The following MACF1 variants were observed in gnomAD, a reference collection of about 807,000 sequenced individuals.
MACF1 encodes microtubule actin crosslinking factor 1.
MACF1 carries 193 observed loss-of-function variants against 854.8 expected under a neutral mutation model. The ratio of observed to expected loss-of-function variants is 0.23; its 90% confidence interval spans 0.20 to 0.25. The LOEUF is 0.25. MACF1 is among the 10% of genes least tolerant of loss of function. The pLI is 1.00. For synonymous variants in MACF1, 3,185 were observed against 3,226.7 expected, an observed-to-expected ratio of 0.99 and a Z score of 0.44; for missense variants, 7,722 against 8,929.1, an observed-to-expected ratio of 0.86 and a Z score of 5.45.
intron 2 of MACF1, among the ~76,000 whole-genome samples, chr1:39,160,126 G>A (rs929757567): frequency 6.6e-6 from 1 of 152,076 alleles, no homozygotes; most frequent in Non-Finnish European, 1.5e-5. Context: ...ACCAGCCTGG[G>A]CAACATAATG....
rs969955405 is a variant in MACF1 at position 39,268,971 on chromosome 1, G to A, written c.528+10943G>A. On this transcript the variant is annotated intron_variant, in intron 6 of 100. Transcript: ENST00000564288. ...CCCCCCAGATATTTTGCTGCCTGGG[G>A]ACTCAGCCCCCAACTCACGGGTAGT... 17 of 1,286,810 alleles carry A rather than the reference G, an allele frequency of 1.3e-5. No individual in the cohort carries two copies. The South Asian group carries it at 2.0e-4, about 15-fold the overall frequency. 79.7% of individuals were successfully genotyped at this position (1,286,810 alleles called of 1,614,324 possible).
chr1:39,117,560 G>A (rs1203329100), intron 2 of MACF1, among the ~76,000 whole-genome samples: 3 of 151,780 alleles, frequency 2.0e-5, no homozygotes. Context: ...GTGTGTGTGT[G>A]TGTGTGTACT....
Position 39,131,340 on chromosome 1 carries a change from A to T in MACF1, c.220+46902A>T, listed in dbSNP as rs1435957326. Among the ~76,000 whole-genome samples, 150 of 128,962 alleles carry T rather than the reference A, an allele frequency of 1.2e-3. 1 individual carries two copies. The highest frequency in any genetic ancestry group is 2.2e-3 in the South Asian group (9 of 4,002). The allele number at this position is 128,962 out of a possible 152,430, so 84.6% of individuals were successfully genotyped here. A position where few individuals can be genotyped will look rare whatever the true frequency, so the allele number is the denominator to read the frequency against. On this transcript the variant is annotated intron_variant, in intron 2 of 93. Transcript: ENST00000361689. ...CCATCATGCCCAGCTCAGTTTTATTATTTTTTTTTTTTTTGTAGAGACAGG... is the reference window on the plus strand; with the variant it reads ...CCATCATGCCCAGCTCAGTTTTATTTTTTTTTTTTTTTTTGTAGAGACAGG...
chr1:39,461,366 G>A (rs1644548773), intron 92 of MACF1, among the ~76,000 whole-genome samples: 1 of 152,128 alleles, frequency 6.6e-6, no homozygotes, highest in Admixed American at 6.5e-5. Flanking sequence ...GTAATATTAT[G>A]TTTATGCCTT....
At chr1:39,300,802 T>C (rs1268459849) in intron 22 of MACF1, among the ~76,000 whole-genome samples, 2 of 152,170 alleles carry the variant, frequency 1.3e-5, no homozygotes, top group Non-Finnish European at 2.9e-5. Context: ...CCCAGCACTT[T>C]AGGAGGCTGA....
intron 1 of MACF1, among the ~76,000 whole-genome samples, chr1:39,222,684 ATGT>A (rs1007758040): frequency 6.6e-5 from 10 of 152,120 alleles, no homozygotes; most frequent in East Asian, 1.9e-4. Context: ...AATTATTTAC[ATGT>A]TGTTCTCCAC....
chr1:39,411,258 G>T lies in MACF1; in HGVS notation c.15817-11116G>T, dbSNP rs774633393. ...AGGATGAGCGATGGATTATGATGGA[G>T]GCTGAGGGAGAGTGGGAGGAAGAGA... On this transcript the variant is annotated intron_variant, in intron 58 of 100. Coordinates refer to ENST00000564288, the MANE Select transcript of MACF1 (RefSeq NM_001394062.1). The T allele has an allele frequency of 9.3e-6, 15 of 1,613,958 alleles. No individual in the cohort carries two copies. In the South Asian group the frequency reaches 9.9e-5, roughly 11 times the overall value.
At chr1:39,122,324 G>A (rs1169807913) in intron 2 of MACF1, among the ~76,000 whole-genome samples, 4 of 150,006 alleles carry the variant, frequency 2.7e-5, no homozygotes, top group South Asian at 2.1e-4. Flanking sequence ...GCGCGATGTC[G>A]GCTCACTACA....
rs367990338 is a variant in MACF1, at chr1:39,302,977, C to T, written c.2688C>T (p.Thr896=). The T allele has an allele frequency of 1.2e-6, 2 of 1,613,968 alleles. No individual in the cohort carries two copies. Among genetic ancestry groups the T allele is most frequent in the African/African-American group, 2.7e-5 (2 of 74,888 alleles). The change falls in exon 23 of 101, where the codon ACC becomes ACT. Residue 896 remains threonine (T), a synonymous_variant. Coordinates refer to ENST00000564288, the MANE Select transcript of MACF1 (RefSeq NM_001394062.1). ...TGCTAGAAGATAATTCTCAGCGGAC[C>T]AAATGGAAAGTGATCAGCCCCACAG... ...ECVLEDNSQR[T]KWKVISPTGN...
At chr1:39,099,091 A>G (rs1442207251) in intron 2 of MACF1, among the ~76,000 whole-genome samples, 3 of 152,208 alleles carry the variant, frequency 2.0e-5, no homozygotes, top group Non-Finnish European at 4.4e-5. Context: ...GCAGACAGCT[A>G]CCCTTGCAAG....
intron 70 of MACF1, chr1:39,436,342 TACTC>T (rs1177794139): frequency 8.8e-6 from 7 of 795,288 alleles, no homozygotes; most frequent in Non-Finnish European, 1.5e-5. Context: ...TATTTGTACT[TACTC>T]AAGTTTCTCC....
At chr1:39,099,362 G>T (rs952366541) in intron 2 of MACF1, among the ~76,000 whole-genome samples, 2 of 152,132 alleles carry the variant, frequency 1.3e-5, no homozygotes. Context: ...TCACCATATT[G>T]GTCAGGCTGG....
chr1:39,332,651 A>G lies in MACF1; in HGVS notation c.6063A>G (p.Glu2021=), dbSNP rs1288784557. The G allele has an allele frequency of 6.2e-7, 1 of 1,614,204 alleles. No homozygotes were observed. The highest frequency in any genetic ancestry group is 1.7e-5 in the Admixed American group (1 of 60,028). The part of the protein sequence containing the change: ...QRQKTPEGLQ[E]SANVKISGTF... ...AAAAAACTCCTGAGGGATTGCAAGA[A>G]TCAGCTAATGTGAAAATCTCAGGAA... is the stretch of plus-strand genomic sequence containing the variant. Residue 2021 remains glutamate, a synonymous_variant, in exon 37 of 101, where the codon GAA becomes GAG. Coordinates refer to ENST00000564288, the MANE Select transcript of MACF1 (RefSeq NM_001394062.1).
rs1423505570 is a variant in MACF1, at chr1:39,295,033, A to T, written c.2155-13A>T. 5.6e-6 allele frequency: 9 copies of T among 1,596,690 alleles called. No individual in the cohort carries two copies. The Admixed American group carries it at 1.3e-4, about 24-fold the overall frequency. On this transcript the variant is annotated splice_polypyrimidine_tract_variant and intron_variant, in intron 18 of 100. Transcript: ENST00000564288. ...AAGAGTGCTTATGCTGTAAAATTGA[A>T]TTCCATTTTCAGGAGTTGACAATGG... is the stretch of plus-strand genomic sequence containing the variant.
At chr1:39,282,182 T>A (rs1280970199) in intron 6 of MACF1, 26 bp from the exon 7 acceptor site, 1 of 1,609,288 alleles carries the variant, frequency 6.2e-7, no homozygotes. Context: ...TTATAATGAA[T>A]TATTCTGTGT....
intron 2 of MACF1, among the ~76,000 whole-genome samples, chr1:39,183,209 G>T (rs1216585010): frequency 3.9e-5 from 6 of 152,210 alleles, no homozygotes; most frequent in Non-Finnish European, 1.5e-5. Context: ...CGAATGGGAA[G>T]TGACTGCTAA....
intron 1 of MACF1, among the ~76,000 whole-genome samples, chr1:39,219,814 C>T (rs1302806069): frequency 6.6e-6 from 1 of 151,908 alleles, no homozygotes; most frequent in Admixed American, 6.6e-5. Context: ...GCAGTGGTGC[C>T]ATCTCAGCTC....
rs55658204 is a variant in MACF1, at chr1:39,186,170, ATC to A, written c.221-44968_221-44967del. On this transcript the variant is annotated intron_variant, in intron 2 of 93. Transcript: ENST00000361689. ...CCATGTGGGGGCTGGGATTCTGAAC[ATC>A]TCTCTCTCTCTCTCTCTCTCTCTCT... Among the ~76,000 whole-genome samples the A allele has an allele frequency of 4.5e-3, 496 of 109,940 alleles. 5 individuals are homozygous for A. The highest frequency in any genetic ancestry group is 0.011 in the South Asian group (36 of 3,168). 72.1% of individuals were successfully genotyped at this position (109,940 alleles called of 152,430 possible).
Position 39,484,485 on chromosome 1 carries a change from T to C in MACF1, c.22282-116T>C. On this transcript the variant is annotated intron_variant, in intron 99 of 100. Coordinates refer to ENST00000564288, the MANE Select transcript of MACF1 (RefSeq NM_001394062.1). ...AGAGAAATCTTTGTTTTCCTGGACT[T>C]TTAATTTGCTTTTCAACTAAGCAAA... 2 of 889,890 alleles carry C rather than the reference T, an allele frequency of 2.2e-6. 1 individual carries two copies. The highest frequency in any genetic ancestry group is 5.1e-4 in the Middle Eastern group (2 of 3,898). The allele number at this position is 889,890 out of a possible 1,614,324, so 55.1% of individuals were successfully genotyped here. A position where few individuals can be genotyped will look rare whatever the true frequency, so the allele number is the denominator to read the frequency against.
Sources: gnomAD v4.1 joint callset for allele counts (sites outside exome capture counted in the v4.1 genomes callset) on GRCh38, gnomAD v4.1.1 for gene constraint, MANE v1.5 for transcripts, NCBI Gene and HGNC (gene_info 2026-07-23, HGNC 2026-07-21) for gene names.